Variants in SORCS1 observed in about 807,000 individuals in gnomAD.
SORCS1 encodes sortilin related VPS10 domain containing receptor 1, also known as VPS10 domain-containing receptor SorCS1.
In SORCS1, 60 loss-of-function variants were observed where a neutral mutation model predicts 146.1. The observed-to-expected ratio is 0.41, with a 90% CI of 0.33 to 0.51. The LOEUF (loss-of-function observed/expected upper bound fraction) is 0.51. Among genes scored for constraint, SORCS1 ranks in the 20% least tolerant of loss-of-function variants. The pLI is 0.21. For missense variants in SORCS1, 1,352 were observed against 1,487.6 expected (o/e 0.91, Z 1.50); for synonymous variants, 637 against 584.0 (o/e 1.09, Z -1.31).
At position 106,926,858 on chromosome 10, in the gene SORCS1, C is replaced by G. The variant is rs1216516295; in HGVS notation, c.626+29655G>C. On this transcript the variant is annotated intron_variant, in intron 2 of 25. Coordinates refer to ENST00000263054, the MANE Select transcript of SORCS1 (RefSeq NM_052918.5). The stretch of plus-strand genomic sequence containing the variant: ...ACACACACACACACACACACACACA[C>G]ACACACACAGAGAGAGAGAGAGAGA... Among the ~76,000 whole-genome samples, 238 of 103,298 alleles carry G rather than the reference C, an allele frequency of 2.3e-3. 4 individuals carry two copies. Among genetic ancestry groups the G allele is most frequent in the African/African-American group, 0.014 (220 of 15,316 alleles). 67.8% of individuals were successfully genotyped at this position (103,298 alleles called of 152,430 possible). A position where few individuals can be genotyped will look rare whatever the true frequency, so the allele number is the denominator to read the frequency against.
At chr10:106,869,406 G>A (rs1950329117) in intron 2 of SORCS1, among the ~76,000 whole-genome samples, 2 of 152,022 alleles carry the variant, frequency 1.3e-5, no homozygotes, top group Admixed American at 6.6e-5. Flanking sequence ...AAAATTTTAG[G>A]CCAATATCTT....
the SORCS1 span, among the ~76,000 whole-genome samples, chr10:107,172,269 C>A: frequency 7.9e-5 from 12 of 152,042 alleles, no homozygotes; most frequent in African/African-American, 2.4e-4. Flanking sequence ...ATAGTTTAAC[C>A]CCAAATTGAT....
chr10:106,617,836 G>A (rs550553045), intron 21 of SORCS1, among the ~76,000 whole-genome samples: 1 of 152,184 alleles, frequency 6.6e-6, no homozygotes, highest in Admixed American at 6.5e-5. Context: ...TTTTGTAACT[G>A]GTATTCAAAT....
At chr10:107,076,900 G>A (rs142237026) in intron 1 of SORCS1, among the ~76,000 whole-genome samples, 227 of 152,274 alleles carry the variant, frequency 1.5e-3, no homozygotes, top group African/African-American at 3.8e-3. Flanking sequence ...AGAATAGTTA[G>A]TGTGTTGATT....
intron 3 of SORCS1, among the ~76,000 whole-genome samples, chr10:106,798,518 A>G (rs541973835): frequency 7.1e-6 from 1 of 141,188 alleles, no homozygotes; most frequent in Non-Finnish European, 1.5e-5. Context: ...ATTCCCACCT[A>G]TGAATGAGAA....
chr10:107,113,369 T>G (rs2134470551), intron 1 of SORCS1, among the ~76,000 whole-genome samples: 1 of 152,116 alleles, frequency 6.6e-6, no homozygotes, highest in East Asian at 1.9e-4. Context: ...CTGAGAGAAC[T>G]ATATAGTGAT....
At chr10:107,016,472 T>C (rs1486359171) in intron 1 of SORCS1, among the ~76,000 whole-genome samples, 1 of 151,812 alleles carries the variant, frequency 6.6e-6, no homozygotes, top group Non-Finnish European at 1.5e-5. Context: ...GCCACTGCAC[T>C]CCAGCCTGTG....
At chr10:106,851,964 A>C (rs1949594762) in intron 2 of SORCS1, among the ~76,000 whole-genome samples, 1 of 152,154 alleles carries the variant, frequency 6.6e-6, no homozygotes, top group African/African-American at 2.4e-5. Flanking sequence ...GCTAATGTAA[A>C]TGGTAATGCG....
chr10:106,597,702 T>C (rs1194147047), intron 23 of SORCS1, among the ~76,000 whole-genome samples: 1 of 152,206 alleles, frequency 6.6e-6, no homozygotes, highest in Non-Finnish European at 1.5e-5. Flanking sequence ...TTATACTCTT[T>C]AAAAATTATT....
At chr10:106,593,387 T>C (rs913337293) in intron 24 of SORCS1, among the ~76,000 whole-genome samples, 10 of 152,346 alleles carry the variant, frequency 6.6e-5, no homozygotes, top group African/African-American at 1.7e-4. Context: ...GCTGTTCCCG[T>C]TGACACGTTT....
chr10:106,993,688 A>G (rs944210002), intron 1 of SORCS1, among the ~76,000 whole-genome samples: 3 of 152,048 alleles, frequency 2.0e-5, no homozygotes, highest in Non-Finnish European at 4.4e-5. Flanking sequence ...TACATGAGGG[A>G]AAAAAAATAT....
At chr10:106,858,423 T>C (rs71475425) in intron 2 of SORCS1, among the ~76,000 whole-genome samples, 7,337 of 151,796 alleles carry the variant, frequency 0.048, 239 homozygotes, top group African/African-American at 0.086. Flanking sequence ...ATTGAGACCA[T>C]CCTGGCTGAC....
chr10:107,176,526 G>A, the SORCS1 span, among the ~76,000 whole-genome samples: 1 of 151,748 alleles, frequency 6.6e-6, no homozygotes, highest in African/African-American at 2.4e-5. Context: ...TTGTAGAGAC[G>A]GGGCCCCAGT....
intron 17 of SORCS1, among the ~76,000 whole-genome samples, chr10:106,661,365 T>A (rs1477958980): frequency 1.3e-5 from 2 of 152,246 alleles, no homozygotes; most frequent in Non-Finnish European, 2.9e-5. Flanking sequence ...TTTCATCACT[T>A]TCTAATTATG....
intron 5 of SORCS1, among the ~76,000 whole-genome samples, chr10:106,739,339 T>A (rs1857188202): frequency 6.6e-6 from 1 of 151,730 alleles, no homozygotes; most frequent in Admixed American, 6.6e-5. Context: ...ACAAAAATTA[T>A]CCTGGCGTGG....
chr10:106,840,366 A>G (rs1460935091), intron 2 of SORCS1, among the ~76,000 whole-genome samples: 1 of 152,176 alleles, frequency 6.6e-6, no homozygotes, highest in Admixed American at 6.5e-5. Context: ...ACATGTGGTG[A>G]CCATAACAAA....
intron 23 of SORCS1, among the ~76,000 whole-genome samples, chr10:106,606,222 G>A (rs1846563876): frequency 6.8e-6 from 1 of 146,920 alleles, no homozygotes; most frequent in East Asian, 2.0e-4. Flanking sequence ...GAAGAAAAAA[G>A]AAGACTAAAG....
At chr10:107,159,363 A>G (rs1969536175) in intron 1 of SORCS1, among the ~76,000 whole-genome samples, 1 of 152,212 alleles carries the variant, frequency 6.6e-6, no homozygotes, top group South Asian at 2.1e-4. Flanking sequence ...ATTTTAGTCC[A>G]TTAGTGCCAT....
intron 1 of SORCS1, among the ~76,000 whole-genome samples, chr10:107,081,550 T>C (rs1427553003): frequency 6.6e-6 from 1 of 152,242 alleles, no homozygotes; most frequent in Non-Finnish European, 1.5e-5. Flanking sequence ...TTTCTTTGCA[T>C]TCTGTAGCAA....
Sources: gnomAD v4.1 joint callset for allele counts (sites outside exome capture counted in the v4.1 genomes callset) on GRCh38, gnomAD v4.1.1 for gene constraint, MANE v1.5 for transcripts, NCBI Gene and HGNC (gene_info 2026-07-23, HGNC 2026-07-21) for gene names.